Variants in SBF2 observed in about 807,000 individuals in gnomAD.
SBF2 encodes myotubularin-related protein 13.
A neutral mutation model predicts 225.2 loss-of-function variants in SBF2; 112 were observed. The ratio of observed to expected loss-of-function variants is 0.50; its 90% confidence interval spans 0.43 to 0.58. SBF2 has a LOEUF of 0.58. Ranked by LOEUF, SBF2 falls within the 20% of genes least tolerant of loss-of-function variation. The pLI, the probability that SBF2 is intolerant of heterozygous loss-of-function variation, is 0.00. For synonymous variants in SBF2, 763 were observed against 773.3 expected (o/e 0.99, Z 0.22); for missense variants, 1,996 against 2,206.2 (o/e 0.90, Z 1.91).
chr11:10,133,175 A>T (rs1954159196), intron 2 of SBF2, among the ~76,000 whole-genome samples: 1 of 149,424 alleles, frequency 6.7e-6, no homozygotes, highest in Non-Finnish European at 1.5e-5. Flanking sequence ...TGGTGTATTT[A>T]CAATCCCTGA....
At chr11:9,956,809 A>C (rs1391642608) in intron 16 of SBF2, 1 of 152,208 alleles carries the variant, frequency 6.6e-6, no homozygotes, top group African/African-American at 2.4e-5. Context: ...AAAGAAAAAA[A>C]TAACTGCTCA....
intron 17 of SBF2, among the ~76,000 whole-genome samples, chr11:9,893,578 T>C (rs184956547): frequency 1.3e-5 from 2 of 152,334 alleles, no homozygotes; most frequent in East Asian, 3.9e-4. Flanking sequence ...ACAGTGGCAG[T>C]GCTATCTATA....
intron 1 of SBF2, among the ~76,000 whole-genome samples, chr11:10,264,850 T>C (rs1268896570): frequency 6.6e-6 from 1 of 152,050 alleles, no homozygotes; most frequent in Non-Finnish European, 1.5e-5. Flanking sequence ...TTTTCTGTTC[T>C]TAGGATAGTT....
In SBF2 at chr11:10,028,461, G is replaced by A. The variant is rs141133392; in HGVS notation, c.610C>T (p.Gln204Ter). ...ITGTSVALLF[Q>*]QLGIQNVLSL... ...GGGAGAAAAGACATACCCAATTGCT[G>A]GAACAGGAGAGCCACACTAGTGCCC... Residue 204 changes from glutamine to a stop codon, truncating the protein, a stop_gained, in exon 6 of 40, where the codon CAG becomes TAG. Transcript: ENST00000256190. LOFTEE classifies it high-confidence loss of function. The A allele has an allele frequency of 2.5e-6, 4 of 1,605,998 alleles. No homozygotes were observed. The highest frequency in any genetic ancestry group is 3.4e-6 in the Non-Finnish European group (4 of 1,172,702).
At chr11:10,298,617 C>T (rs979199778), upstream of SBF2, among the ~76,000 whole-genome samples, 1 of 152,228 alleles carries the variant, frequency 6.6e-6, no homozygotes, top group Non-Finnish European at 1.5e-5. Context: ...TTCAGATCGT[C>T]TCTACCAAAG....
intron 2 of SBF2, among the ~76,000 whole-genome samples, chr11:10,108,451 G>C (rs1487772843): frequency 6.7e-6 from 1 of 149,284 alleles, no homozygotes; most frequent in African/African-American, 2.5e-5. Flanking sequence ...TTGGGTGCTT[G>C]TTGGAACAAA....
intron 2 of SBF2, among the ~76,000 whole-genome samples, chr11:10,176,159 C>T (rs1956452726): frequency 7.1e-6 from 1 of 140,526 alleles, no homozygotes; most frequent in Non-Finnish European, 1.6e-5. Flanking sequence ...AAAGACACAA[C>T]ATACCAGAAT....
At chr11:9,947,846 T>C (rs372432565) in intron 16 of SBF2, among the ~76,000 whole-genome samples, 1 of 152,014 alleles carries the variant, frequency 6.6e-6, no homozygotes, top group East Asian at 1.9e-4. Flanking sequence ...GAATGTAAAA[T>C]GATGCAGCTA....
At position 10,043,942 on chromosome 11, in the gene SBF2, C is replaced by G. The variant is rs144906635; in HGVS notation, c.142-961G>C. On this transcript the variant is annotated intron_variant, in intron 2 of 39. Transcript: ENST00000256190. ...AGAGAAATTTAAAAAATATTTTGAGCTAACTGAAAATGAAAATAAAACATC... is the reference window on the plus strand; with the variant it reads ...AGAGAAATTTAAAAAATATTTTGAGGTAACTGAAAATGAAAATAAAACATC... Among the ~76,000 whole-genome samples, 155 of 152,030 alleles carry G rather than the reference C, an allele frequency of 1.0e-3. No homozygotes were observed. In the East Asian group the frequency reaches 0.029, roughly 29 times the overall value.
chr11:10,047,488 T>C (rs1590832806), intron 2 of SBF2, among the ~76,000 whole-genome samples: 1 of 152,308 alleles, frequency 6.6e-6, no homozygotes, highest in Non-Finnish European at 1.5e-5. Flanking sequence ...TGATCTTATA[T>C]ACACATGCAA....
chr11:10,093,222 C>T lies in SBF2; in HGVS notation c.142-50241G>A, dbSNP rs1161474645. On this transcript the variant is annotated intron_variant, in intron 2 of 39. Coordinates refer to ENST00000256190, the MANE Select transcript of SBF2 (RefSeq NM_030962.4). ...ATTAGAGACAGTTTTGCCATGTTGA[C>T]CAAGCTGGTCTCAAACTCCTGGCCT... Among the ~76,000 whole-genome samples the T allele has an allele frequency of 2.0e-5, 3 of 151,852 alleles. No individual in the cohort carries two copies. In the South Asian group the frequency reaches 6.3e-4, roughly 32 times the overall value.
chr11:10,212,837 G>A lies in SBF2; in HGVS notation c.56-18850C>T, dbSNP rs192707031. On this transcript the variant is annotated intron_variant, in intron 1 of 39. Transcript: ENST00000256190. ...GATGCCGAGGCAGGCAGATCACGAGGTCAAGAGATCAAGACCATCCTGGCT... is the reference window on the plus strand; with the variant it reads ...GATGCCGAGGCAGGCAGATCACGAGATCAAGAGATCAAGACCATCCTGGCT... 5.6e-4 allele frequency among the ~76,000 whole-genome samples: 85 copies of A among 152,300 alleles called. 1 individual carries two copies. Among genetic ancestry groups the A allele is most frequent in the African/African-American group, 1.9e-3 (81 of 41,574 alleles).
chr11:9,839,566 G>T lies in SBF2; in HGVS notation c.3387C>A (p.Ser1129Arg). Residue 1129 changes from serine (S) to arginine (R), a missense_variant, in exon 26 of 40, where the codon AGC becomes AGA. Physicochemically the swap from Ser to Arg is moderately radical, Grantham distance 110. Coordinates refer to ENST00000256190, the MANE Select transcript of SBF2 (RefSeq NM_030962.4). ...QRLGLGTISG[S>R]SSRSRPEYFR... ...AATACTCGGGTCTTGAACGGGAAGA[G>T]CTGCCACTTATGGTTCCTAAACCTA... 6.2e-7 allele frequency: 1 copy of T among 1,614,180 alleles called. No homozygotes were observed. The highest frequency in any genetic ancestry group is 8.5e-7 in the Non-Finnish European group (1 of 1,180,020).
chr11:10,013,555 G>T (rs1486791643), intron 6 of SBF2, among the ~76,000 whole-genome samples: 1 of 152,170 alleles, frequency 6.6e-6, no homozygotes, highest in Admixed American at 6.5e-5. Flanking sequence ...GGTTCTTTGG[G>T]GGAAAGGATT....
At chr11:10,219,523 G>C (rs1021298094) in intron 1 of SBF2, among the ~76,000 whole-genome samples, 2 of 152,146 alleles carry the variant, frequency 1.3e-5, no homozygotes, top group Non-Finnish European at 2.9e-5. Flanking sequence ...TTAACATTTG[G>C]CTCCTCGTTA....
chr11:9,847,999 G>C (rs1332147002), intron 22 of SBF2, among the ~76,000 whole-genome samples: 3 of 151,902 alleles, frequency 2.0e-5, no homozygotes, highest in Non-Finnish European at 1.5e-5. Context: ...ATCTGGATTT[G>C]CAGAAGGGAA....
intron 2 of SBF2, among the ~76,000 whole-genome samples, chr11:10,162,015 C>T (rs942708632): frequency 2.0e-5 from 3 of 152,104 alleles, no homozygotes; most frequent in African/African-American, 7.2e-5. Context: ...AGTAGGAAGA[C>T]TCGGTTGCAT....
rs964428805 is a variant in SBF2 at position 9,961,986 on chromosome 11, T to C, written c.1831A>G (p.Ile611Val). The C allele has an allele frequency of 2.5e-6, 4 of 1,613,884 alleles. No individual in the cohort carries two copies. Among genetic ancestry groups the C allele is most frequent in the Middle Eastern group, 1.6e-4 (1 of 6,082 alleles). ...AGAGTACAATTCATCATCCTTATTA[T>C]GTAGTCAAACTGTTGATGGTCTAAT... ...AILDHQQFDY[I>V]IRMMNCTLQD... Residue 611 changes from isoleucine (I) to valine (V), a missense_variant, in exon 16 of 40, where the codon ATA (isoleucine) becomes GTA (valine). Coordinates refer to ENST00000256190, the MANE Select transcript of SBF2 (RefSeq NM_030962.4).
At chr11:9,826,483 A>C (rs1855066074) in intron 28 of SBF2, among the ~76,000 whole-genome samples, 1 of 152,210 alleles carries the variant, frequency 6.6e-6, no homozygotes, top group African/African-American at 2.4e-5. Context: ...TTTTGTAGAA[A>C]GCAAGCCTGA....
Sources: allele counts gnomAD v4.1 joint callset (sites outside exome capture counted in the v4.1 genomes callset), GRCh38; gene constraint gnomAD v4.1.1; transcripts MANE v1.5; gene names NCBI Gene and HGNC (gene_info 2026-07-23, HGNC 2026-07-21).